The following ANKAR variants were observed in gnomAD, a reference collection of about 807,000 sequenced individuals.
ANKAR encodes ankyrin and armadillo repeat containing.
Under a neutral mutation model 146.2 loss-of-function variants are expected in ANKAR, and 136 were observed. That is an observed-to-expected ratio of 0.93 (90% confidence interval 0.81 to 1.07). The LOEUF (loss-of-function observed/expected upper bound fraction) is 1.07, where lower values mean the gene tolerates loss of function less well. Among genes scored for constraint, ANKAR ranks in the 50% least tolerant of loss-of-function variants. The pLI is 0.00. For missense variants in ANKAR, 1,567 were observed against 1,679.9 expected, an observed-to-expected ratio of 0.93 and a Z score of 1.18; for synonymous variants, 500 against 575.8, an observed-to-expected ratio of 0.87 and a Z score of 1.88.
chr2:189,747,403 GAAAAT>G (rs1251855972), downstream of ANKAR: 3 of 129,580 alleles, frequency 2.3e-5, no homozygotes, highest in South Asian at 2.5e-4. Context: ...AATTAAAAAA[GAAAAT>G]AAAACAAAAA....
chr2:189,689,608 A>G lies in ANKAR; in HGVS notation c.683A>G (p.Asn228Ser), dbSNP rs756343632. The change falls in exon 3 of 23, where the codon AAC (asparagine) becomes AGC (serine). Residue 228 changes from asparagine (N) to serine (S), a missense_variant. Asn to Ser is a conservative substitution (Grantham distance 46, BLOSUM62 1). Transcript: ENST00000684021. ...DVNEDPTYDP[N>S]SPEETAVFMK... is the part of the protein sequence containing the mutation. ...AATGAAGATCCAACATATGATCCCA[A>G]CAGCCCTGAAGAAACAGCTGTATTT... is the stretch of plus-strand genomic sequence containing the variant. 4 of 1,613,748 alleles carry G rather than the reference A, an allele frequency of 2.5e-6. No homozygotes were observed. Among genetic ancestry groups the G allele is most frequent in the Admixed American group, 1.7e-5 (1 of 59,996 alleles).
rs762077641 is a variant in ANKAR, at chr2:189,720,615, T to A, written c.2467-4T>A. 7.5e-7 allele frequency: 1 copy of A among 1,337,356 alleles called. No individual in the cohort carries two copies. Among genetic ancestry groups the A allele is most frequent in the Non-Finnish European group, 9.7e-7 (1 of 1,031,320 alleles). 82.8% of individuals were successfully genotyped at this position (1,337,356 alleles called of 1,614,324 possible). On this transcript the variant is annotated splice_polypyrimidine_tract_variant and splice_region_variant and intron_variant, in intron 11 of 22. Transcript: ENST00000684021. Reference sequence around the variant, plus strand: ...CAAATGTAATTTTTTTTGTTTATTTTTAGAATGGAATCCCAAGCCTGATAA... The same window carrying A: ...CAAATGTAATTTTTTTTGTTTATTTATAGAATGGAATCCCAAGCCTGATAA...
chr2:189,675,419 C>T (rs962078802), intron 1 of ANKAR, among the ~76,000 whole-genome samples: 1 of 151,640 alleles, frequency 6.6e-6, no homozygotes, highest in African/African-American at 2.4e-5. Context: ...ACACTTGTTG[C>T]CCAGGCCACC....
chr2:189,722,214 C>T (rs543367419), intron 12 of ANKAR, among the ~76,000 whole-genome samples: 22 of 151,856 alleles, frequency 1.4e-4, no homozygotes, highest in African/African-American at 5.3e-4. Context: ...TGGTGCACGC[C>T]TGTAATCCCA....
downstream of ANKAR, chr2:189,762,581 G>C (rs144498671): frequency 3.0e-4 from 300 of 985,366 alleles, no homozygotes; most frequent in African/African-American, 4.8e-3. Context: ...CTTGGGTAGC[G>C]CTGGTCTCCT....
downstream of ANKAR, chr2:189,762,662 G>A: frequency 1.0e-6 from 1 of 985,468 alleles, no homozygotes; most frequent in Non-Finnish European, 1.2e-6. Flanking sequence ...TCAGTGGGGT[G>A]AAGAGTGAGC....
rs768463754 is a variant in ANKAR, at chr2:189,736,499, G to GGTTTTT, written c.3424-1184_3424-1183insGTTTTT. On this transcript the variant is annotated intron_variant, in intron 17 of 22. Coordinates refer to ENST00000684021, the MANE Select transcript of ANKAR (RefSeq NM_001378068.1). ...TCTTTTTGCCTATTTAGGTGACTGG[G>GGTTTTT]TTTTGTGTGTGTGTGTGTGTGTGTG... is the stretch of plus-strand genomic sequence containing the variant. Among the ~76,000 whole-genome samples, 32 of 113,724 alleles carry GGTTTTT rather than the reference G, an allele frequency of 2.8e-4. 4 individuals carry two copies. In the South Asian group the frequency reaches 9.0e-3, roughly 32 times the overall value. The allele number at this position is 113,724 out of a possible 152,430, so 74.6% of individuals were successfully genotyped here. A position where few individuals can be genotyped will look rare whatever the true frequency, so the allele number is the denominator to read the frequency against.
intron 18 of ANKAR, chr2:189,752,875 G>A (rs560898392): frequency 6.8e-6 from 11 of 1,613,866 alleles, no homozygotes; most frequent in South Asian, 6.6e-5. Context: ...CATTATCAGT[G>A]CATAGTCTGG....
intron 18 of ANKAR, among the ~76,000 whole-genome samples, chr2:189,757,022 A>G (rs908836423): frequency 2.6e-5 from 4 of 152,154 alleles, no homozygotes; most frequent in African/African-American, 9.7e-5. Context: ...TATGCTAAAC[A>G]CTAGGGCCAA....
chr2:189,712,491 G>A (rs932008658), intron 10 of ANKAR, among the ~76,000 whole-genome samples: 1 of 152,186 alleles, frequency 6.6e-6, no homozygotes, highest in Non-Finnish European at 1.5e-5. Context: ...GTCTGGAGTG[G>A]ACCTCCAGCA....
intron 7 of ANKAR, 53 bp downstream of exon 7, chr2:189,696,422 A>G: frequency 6.6e-7 from 1 of 1,526,110 alleles, no homozygotes; most frequent in Non-Finnish European, 8.9e-7. Context: ...ACCCTTACTC[A>G]GCATTAGGAA....
chr2:189,707,394 A>G (rs2039082761), intron 9 of ANKAR, among the ~76,000 whole-genome samples: 1 of 141,658 alleles, frequency 7.1e-6, no homozygotes, highest in Admixed American at 7.5e-5. Flanking sequence ...ATTTTACACA[A>G]TTATATTTAT....
At chr2:189,738,740 A>G in intron 19 of ANKAR, 58 bp downstream of exon 19, 1 of 1,070,846 alleles carries the variant, frequency 9.3e-7, no homozygotes, top group Non-Finnish European at 1.4e-6. Flanking sequence ...AAAACAGTTT[A>G]TTGTAATCTG....
chr2:189,709,557 G>C (rs2039418279), intron 9 of ANKAR, among the ~76,000 whole-genome samples: 1 of 152,104 alleles, frequency 6.6e-6, no homozygotes, highest in African/African-American at 2.4e-5. Flanking sequence ...AGCCAAAAAA[G>C]AGAAATGAAT....
chr2:189,680,500 G>A (rs895231893), intron 2 of ANKAR, among the ~76,000 whole-genome samples: 1 of 151,704 alleles, frequency 6.6e-6, no homozygotes, highest in Non-Finnish European at 1.5e-5. Context: ...GTTTGTTCCT[G>A]TTTCTCTAGT....
Position 189,738,829 on chromosome 2 carries a change from C to T in ANKAR, c.3700+147C>T, listed in dbSNP as rs188650714. ...TTATGTTTATATCTACATGGAACTC[C>T]ACAGCAAGTCTACACGAAACAATGG... On this transcript the variant is annotated intron_variant, in intron 19 of 22. Transcript: ENST00000684021. 17 of 534,560 alleles carry T rather than the reference C, an allele frequency of 3.2e-5. No homozygotes were observed. In the Admixed American group the frequency reaches 4.6e-4, roughly 15 times the overall value. The allele number at this position is 534,560 out of a possible 1,614,324, so 33.1% of individuals were successfully genotyped here.
chr2:189,698,103 A>T (rs2037508997), intron 7 of ANKAR, among the ~76,000 whole-genome samples: 1 of 152,190 alleles, frequency 6.6e-6, no homozygotes, highest in South Asian at 2.1e-4. Flanking sequence ...GTAGAGGTAA[A>T]AAAGGAAAGA....
intron 22 of ANKAR, 59 bp downstream of exon 22, chr2:189,744,847 G>T: frequency 7.5e-7 from 1 of 1,329,310 alleles, no homozygotes. Flanking sequence ...TTATAATTCT[G>T]TATTCCATCT....
chr2:189,717,280 A>G (rs541019725), intron 10 of ANKAR, among the ~76,000 whole-genome samples: 1 of 152,248 alleles, frequency 6.6e-6, no homozygotes. Flanking sequence ...GGCAAAGGAT[A>G]TGAACAGACA....
Sources: gnomAD v4.1 joint callset for allele counts (sites outside exome capture counted in the v4.1 genomes callset) on GRCh38, gnomAD v4.1.1 for gene constraint, MANE v1.5 for transcripts, NCBI Gene and HGNC (gene_info 2026-07-23, HGNC 2026-07-21) for gene names.